Variants in PDLIM1 observed in about 807,000 individuals in gnomAD.
PDLIM1 encodes the protein PDZ and LIM domain 1, also known as PDZ and LIM domain protein 1.
Under a neutral mutation model 35.2 loss-of-function variants are expected in PDLIM1, and 25 were observed. That is an observed-to-expected ratio of 0.71 (90% CI 0.52 to 0.99). The LOEUF (loss-of-function observed/expected upper bound fraction) is 0.99. PDLIM1 is among the 50% of genes least tolerant of loss of function. The pLI is 0.00. For missense variants in PDLIM1, 363 were observed against 415.3 expected (o/e 0.87, Z 1.09); for synonymous variants, 152 against 154.0 (o/e 0.99, Z 0.10).
chr10:95,252,489 G>C (rs1020266205), intron 4 of PDLIM1, among the ~76,000 whole-genome samples: 5 of 152,176 alleles, frequency 3.3e-5, no homozygotes, highest in African/African-American at 9.7e-5. Context: ...TAACAAGAAT[G>C]TTCAAGATTC....
At chr10:95,239,676 G>C (rs748158444) in intron 5 of PDLIM1, among the ~76,000 whole-genome samples, 2 of 152,054 alleles carry the variant, frequency 1.3e-5, no homozygotes, top group Non-Finnish European at 2.9e-5. Context: ...TGCACCTATA[G>C]TTCCAGCTAC....
chr10:95,240,304 T>C (rs1004507322), intron 5 of PDLIM1, among the ~76,000 whole-genome samples: 3 of 152,214 alleles, frequency 2.0e-5, no homozygotes, highest in Non-Finnish European at 2.9e-5. Flanking sequence ...GGGAATACTA[T>C]GCAGCCATAA....
intron 1 of PDLIM1, among the ~76,000 whole-genome samples, chr10:95,272,294 AAAAG>A (rs1389138185): frequency 2.6e-5 from 4 of 152,356 alleles, no homozygotes; most frequent in South Asian, 4.1e-4. Context: ...TTATATATAC[AAAAG>A]AAAGTGGAAA....
At chr10:95,282,994 C>T (rs563459550) in intron 1 of PDLIM1, among the ~76,000 whole-genome samples, 20 of 152,282 alleles carry the variant, frequency 1.3e-4, no homozygotes, top group South Asian at 1.2e-3. Flanking sequence ...ATGAACCCTA[C>T]GTGCTTTTAA....
chr10:95,286,626 A>C (rs771540485), intron 1 of PDLIM1, among the ~76,000 whole-genome samples: 52 of 152,302 alleles, frequency 3.4e-4, no homozygotes, highest in Admixed American at 1.0e-3. Flanking sequence ...ACCTACTGGA[A>C]GCGAAATAAT....
chr10:95,284,359 AT>A lies in PDLIM1; in HGVS notation c.96+6460del, dbSNP rs997216112. Among the ~76,000 whole-genome samples, 296 of 148,740 alleles carry A rather than the reference AT, an allele frequency of 2.0e-3. 2 individuals carry two copies. Among genetic ancestry groups the A allele is most frequent in the African/African-American group, 6.9e-3 (282 of 40,702 alleles). On this transcript the variant is annotated intron_variant, in intron 1 of 6. Coordinates refer to ENST00000329399, the MANE Select transcript of PDLIM1 (RefSeq NM_020992.4). ...AACCATATTTAATCTATCTGTATGC[AT>A]TTTTTTTTTCTAGATGGAGTTTCGC...
intron 1 of PDLIM1, among the ~76,000 whole-genome samples, chr10:95,280,472 A>G (rs1470037599): frequency 6.6e-6 from 1 of 152,202 alleles, no homozygotes; most frequent in African/African-American, 2.4e-5. Context: ...AAGTTATGGA[A>G]AGCATGATTA....
At position 95,237,701 on chromosome 10, in the gene PDLIM1, C is replaced by A; in HGVS notation, c.*224G>T. ...GGTGGGGCGAAGGGACACAGTGTTG[C>A]TGACAAGGTGACACTGAACAAAACA... On this transcript the variant is annotated 3_prime_UTR_variant, in exon 7 of 7. Coordinates refer to ENST00000329399, the MANE Select transcript of PDLIM1 (RefSeq NM_020992.4). 1 of 532,270 alleles carries A rather than the reference C, an allele frequency of 1.9e-6. No homozygotes were observed. The highest frequency in any genetic ancestry group is 3.3e-6 in the Non-Finnish European group (1 of 298,912). 33.0% of individuals were successfully genotyped at this position (532,270 alleles called of 1,614,324 possible).
At chr10:95,238,493 A>G in intron 6 of PDLIM1, 75 bp downstream of exon 6, 3 of 949,388 alleles carry the variant, frequency 3.2e-6, no homozygotes, top group African/African-American at 3.2e-5. Context: ...AATGTGCAAC[A>G]TCCAGCACTT....
At chr10:95,253,298 G>T (rs991926831) in intron 4 of PDLIM1, among the ~76,000 whole-genome samples, 1 of 152,168 alleles carries the variant, frequency 6.6e-6, no homozygotes, top group Non-Finnish European at 1.5e-5. Context: ...AAGAATGAAG[G>T]AGAAATCAAG....
intron 4 of PDLIM1, 122 bp downstream of exon 4, chr10:95,263,742 C>T (rs372338632): frequency 1.6e-6 from 1 of 642,220 alleles, no homozygotes. Flanking sequence ...CAGAAGTGTT[C>T]TGCTAATGTA....
At chr10:95,251,915 G>A in intron 4 of PDLIM1, among the ~76,000 whole-genome samples, 1 of 152,196 alleles carries the variant, frequency 6.6e-6, no homozygotes, top group East Asian at 1.9e-4. Context: ...CCCAGACATG[G>A]AGCGGAGGGC....
chr10:95,289,252 T>C (rs990369810), intron 1 of PDLIM1, among the ~76,000 whole-genome samples: 7 of 152,218 alleles, frequency 4.6e-5, no homozygotes, highest in Admixed American at 4.6e-4. Context: ...GCAGACACAA[T>C]GTCCTCCCTG....
chr10:95,269,992 C>CT (rs1312195620), intron 2 of PDLIM1, among the ~76,000 whole-genome samples: 1 of 152,158 alleles, frequency 6.6e-6, no homozygotes, highest in East Asian at 1.9e-4. Context: ...CCACCTCGGC[C>CT]TCCCAAAGTG....
At chr10:95,240,880 T>G (rs550732372) in intron 5 of PDLIM1, among the ~76,000 whole-genome samples, 115 of 152,294 alleles carry the variant, frequency 7.6e-4, no homozygotes, top group African/African-American at 2.5e-3. Flanking sequence ...AACAAAGCCC[T>G]GTACCATGGT....
intron 5 of PDLIM1, among the ~76,000 whole-genome samples, chr10:95,239,005 G>C (rs1362685391): frequency 2.0e-5 from 2 of 101,816 alleles, no homozygotes; most frequent in Non-Finnish European, 4.7e-5. Flanking sequence ...ACATGGTACT[G>C]GTAGAAGAAC....
At chr10:95,282,559 C>G (rs142537442) in intron 1 of PDLIM1, among the ~76,000 whole-genome samples, 1 of 152,162 alleles carries the variant, frequency 6.6e-6, no homozygotes, top group Non-Finnish European at 1.5e-5. Context: ...ACGTGCTGCT[C>G]TCTCAGTCTG....
chr10:95,282,430 G>C (rs1030742477), intron 1 of PDLIM1, among the ~76,000 whole-genome samples: 1 of 152,140 alleles, frequency 6.6e-6, no homozygotes, highest in African/African-American at 2.4e-5. Flanking sequence ...CATTTTCTCA[G>C]GGAAATGAGG....
chr10:95,262,394 A>C (rs1450490969), intron 4 of PDLIM1, among the ~76,000 whole-genome samples: 1 of 152,238 alleles, frequency 6.6e-6, no homozygotes, highest in Non-Finnish European at 1.5e-5. Context: ...AGCTAAGGCA[A>C]GTTTGGACCA....
Sources: allele counts gnomAD v4.1 joint callset (sites outside exome capture counted in the v4.1 genomes callset), GRCh38; gene constraint gnomAD v4.1.1; transcripts MANE v1.5; gene names NCBI Gene and HGNC (gene_info 2026-07-23, HGNC 2026-07-21).